Variants in TMEM132B observed in about 807,000 individuals in gnomAD.
TMEM132B encodes the protein transmembrane protein 132B.
TMEM132B carries 18 observed loss-of-function variants against 90.8 expected under a neutral mutation model. The observed-to-expected ratio is 0.20, with a 90% CI of 0.14 to 0.29. TMEM132B has a LOEUF of 0.29. Among genes scored for constraint, TMEM132B ranks in the 10% least tolerant of loss-of-function variants. The pLI is 1.00. For synonymous variants in TMEM132B, 504 were observed against 523.3 expected, an observed-to-expected ratio of 0.96 and a Z score of 0.50; for missense variants, 1,096 against 1,326.8, an observed-to-expected ratio of 0.83 and a Z score of 2.70.
At chr12:125,450,338 GT>G (rs1881116175) in intron 3 of TMEM132B, among the ~76,000 whole-genome samples, 1 of 152,182 alleles carries the variant, frequency 6.6e-6, no homozygotes, top group South Asian at 2.1e-4. Context: ...ATGATGGCAT[GT>G]CTTAATTACA....
chr12:125,387,112 T>C (rs1420928260), intron 2 of TMEM132B, among the ~76,000 whole-genome samples: 1 of 150,606 alleles, frequency 6.6e-6, no homozygotes, highest in Non-Finnish European at 1.5e-5. Context: ...GAAAGAAGTC[T>C]TCTATCTTAA....
intron 1 of TMEM132B, among the ~76,000 whole-genome samples, chr12:125,234,685 A>C (rs1237054776): frequency 6.6e-6 from 1 of 152,172 alleles, no homozygotes; most frequent in Non-Finnish European, 1.5e-5. Flanking sequence ...TCCTCTGTTC[A>C]AGATGGGATC....
chr12:125,413,684 T>C (rs1879923552), intron 2 of TMEM132B, among the ~76,000 whole-genome samples: 1 of 152,256 alleles, frequency 6.6e-6, no homozygotes, highest in Non-Finnish European at 1.5e-5. Context: ...TCATCCCTTT[T>C]TATGGCTGAA....
intron 1 of TMEM132B, among the ~76,000 whole-genome samples, chr12:125,238,990 C>G (rs1874003125): frequency 6.6e-6 from 1 of 152,018 alleles, no homozygotes; most frequent in South Asian, 2.1e-4. Flanking sequence ...TAGAGGGAGA[C>G]TGAGTTTCAG....
chr12:125,404,545 TG>T (rs1257311538), intron 2 of TMEM132B, among the ~76,000 whole-genome samples: 1 of 152,252 alleles, frequency 6.6e-6, no homozygotes, highest in Non-Finnish European at 1.5e-5. Context: ...TAATAGCTAA[TG>T]CTGATCCACG....
intron 2 of TMEM132B, among the ~76,000 whole-genome samples, chr12:125,391,779 T>C (rs1879028837): frequency 6.6e-6 from 1 of 152,170 alleles, no homozygotes; most frequent in African/African-American, 2.4e-5. Context: ...TTAATTAGTT[T>C]TTTGAGACAA....
intron 2 of TMEM132B, among the ~76,000 whole-genome samples, chr12:125,396,174 G>T (rs1000168004): frequency 6.6e-6 from 1 of 152,186 alleles, no homozygotes; most frequent in Non-Finnish European, 1.5e-5. Flanking sequence ...AGGAGTAGGG[G>T]CTGGATGCTG....
chr12:125,339,418 G>T (rs10846876), intron 1 of TMEM132B, among the ~76,000 whole-genome samples: 67,121 of 151,862 alleles, frequency 0.44, 17,260 homozygotes, highest in Non-Finnish European at 0.58. Context: ...CAGTCCAATT[G>T]AACTGGGGGC....
At chr12:125,372,629 T>C (rs1355702569) in intron 2 of TMEM132B, among the ~76,000 whole-genome samples, 1 of 152,206 alleles carries the variant, frequency 6.6e-6, no homozygotes, top group Non-Finnish European at 1.5e-5. Flanking sequence ...GGTGATACTT[T>C]ACACAAAGTA....
chr12:125,461,589 A>C (rs1025514418), intron 3 of TMEM132B, among the ~76,000 whole-genome samples: 1 of 152,232 alleles, frequency 6.6e-6, no homozygotes, highest in African/African-American at 2.4e-5. Context: ...AGAATCTCTC[A>C]ATTTTTGAAT....
At chr12:125,274,353 T>C (rs1874931332) in intron 1 of TMEM132B, among the ~76,000 whole-genome samples, 1 of 152,256 alleles carries the variant, frequency 6.6e-6, no homozygotes. Context: ...CATTTTTGTA[T>C]GTGTATCCCA....
chr12:125,592,262 A>G (rs922248431), intron 5 of TMEM132B, among the ~76,000 whole-genome samples: 2 of 152,168 alleles, frequency 1.3e-5, no homozygotes, highest in African/African-American at 4.8e-5. Context: ...GGTTTTCAGA[A>G]CCACAGAAGC....
chr12:125,285,567 C>A (rs1349469036), intron 1 of TMEM132B, among the ~76,000 whole-genome samples: 1 of 152,210 alleles, frequency 6.6e-6, no homozygotes, highest in East Asian at 1.9e-4. Flanking sequence ...GTGGAGATTT[C>A]AAAGCACATG....
At chr12:125,578,341 T>C (rs1300448612) in intron 4 of TMEM132B, among the ~76,000 whole-genome samples, 1 of 152,194 alleles carries the variant, frequency 6.6e-6, no homozygotes, top group African/African-American at 2.4e-5. Flanking sequence ...ACTCATTTTA[T>C]ACAACATTCA....
At position 125,650,827 on chromosome 12, in the gene TMEM132B, C is replaced by A. The variant is rs1183231715; in HGVS notation, c.1788C>A (p.Gly596=). 8 of 1,614,096 alleles carry A rather than the reference C, an allele frequency of 5.0e-6. No individual in the cohort carries two copies. The highest frequency in any genetic ancestry group is 6.8e-6 in the Non-Finnish European group (8 of 1,180,050). ...TAGGGCAGCTGACCTACATGCTGGG[C>A]CCCGACTGGCAGTTTGACATCACTG... ...PDLGQLTYML[G]PDWQFDITDL... is the part of the protein sequence containing the mutation. Residue 596 remains glycine, a synonymous_variant, in exon 7 of 9, where the codon GGC becomes GGA. Transcript: ENST00000682704.
chr12:125,369,719 G>A (rs1878238360), intron 2 of TMEM132B, among the ~76,000 whole-genome samples: 1 of 152,168 alleles, frequency 6.6e-6, no homozygotes, highest in East Asian at 1.9e-4. Flanking sequence ...ATTATTCCTT[G>A]CATTTTTACC....
At chr12:125,493,314 CT>C (rs1047386254) in intron 3 of TMEM132B, among the ~76,000 whole-genome samples, 45 of 152,332 alleles carry the variant, frequency 3.0e-4, no homozygotes, top group African/African-American at 1.1e-3. Context: ...AACATGCCCC[CT>C]TCTGCCCTCC....
At chr12:125,234,446 G>T (rs566792474) in intron 1 of TMEM132B, among the ~76,000 whole-genome samples, 1 of 152,226 alleles carries the variant, frequency 6.6e-6, no homozygotes, top group South Asian at 2.1e-4. Context: ...CTACACAGTG[G>T]TTCTCCATGT....
chr12:125,282,041 A>AAAAAAAAAAAAAAAAAC (rs1875201059), intron 1 of TMEM132B, among the ~76,000 whole-genome samples: 1 of 124,604 alleles, frequency 8.0e-6, no homozygotes. Flanking sequence ...AAAAAAAAAA[A>AAAAAAAAAAAAAAAAAC]AAAAAAAAAA....
Sources: gnomAD v4.1 joint callset for allele counts (sites outside exome capture counted in the v4.1 genomes callset) on GRCh38, gnomAD v4.1.1 for gene constraint, MANE v1.5 for transcripts, NCBI Gene and HGNC (gene_info 2026-07-23, HGNC 2026-07-21) for gene names.